Variants in ZMAT4 observed in about 807,000 individuals in gnomAD.
The protein encoded by ZMAT4 is zinc finger matrin-type 4.
Under a neutral mutation model 28.7 loss-of-function variants are expected in ZMAT4, and 17 were observed. The observed-to-expected ratio is 0.59, with a 90% CI of 0.41 to 0.89. The LOEUF (loss-of-function observed/expected upper bound fraction) is 0.89. Ranked by LOEUF, ZMAT4 falls within the 40% of genes least tolerant of loss-of-function variation. The pLI is 0.00. For synonymous variants in ZMAT4, 117 were observed against 109.2 expected (o/e 1.07, Z -0.44); for missense variants, 240 against 283.8 (o/e 0.85, Z 1.11).
intron 3 of ZMAT4, among the ~76,000 whole-genome samples, chr8:40,709,686 C>T (rs1182197890): frequency 6.6e-6 from 1 of 152,168 alleles, no homozygotes; most frequent in Admixed American, 6.5e-5. Context: ...GATGTGCCTA[C>T]TAGAATGTAA....
At chr8:40,771,186 A>G (rs1813375590) in intron 2 of ZMAT4, among the ~76,000 whole-genome samples, 1 of 151,388 alleles carries the variant, frequency 6.6e-6, no homozygotes. Context: ...ACATATATAT[A>G]AAGGTTTTTA....
chr8:40,650,848 C>A (rs932179208), intron 5 of ZMAT4, among the ~76,000 whole-genome samples: 3 of 151,852 alleles, frequency 2.0e-5, no homozygotes, highest in African/African-American at 7.3e-5. Flanking sequence ...TCAATAGATG[C>A]AGAAAAAACC....
At chr8:40,682,608 G>A (rs1357105969) in intron 4 of ZMAT4, among the ~76,000 whole-genome samples, 7 of 152,212 alleles carry the variant, frequency 4.6e-5, no homozygotes, top group South Asian at 2.1e-4. Context: ...TAATATATCC[G>A]ATGTTTCAAA....
intron 3 of ZMAT4, among the ~76,000 whole-genome samples, chr8:40,699,123 C>T (rs968767538): frequency 6.6e-6 from 1 of 152,076 alleles, no homozygotes; most frequent in Non-Finnish European, 1.5e-5. Context: ...TACCTACCTC[C>T]TCAGTCAAGC....
intron 1 of ZMAT4, among the ~76,000 whole-genome samples, chr8:40,839,045 G>A (rs929940848): frequency 6.6e-6 from 1 of 152,156 alleles, no homozygotes; most frequent in Non-Finnish European, 1.5e-5. Flanking sequence ...GCAAAATGGA[G>A]ATCTCTAACT....
chr8:40,670,537 C>G (rs763077961), intron 5 of ZMAT4, among the ~76,000 whole-genome samples: 5 of 152,056 alleles, frequency 3.3e-5, no homozygotes, highest in Admixed American at 6.6e-5. Flanking sequence ...AAGTTAGCCT[C>G]CCAAAATTTA....
chr8:40,802,909 A>G (rs1017224935), intron 2 of ZMAT4, among the ~76,000 whole-genome samples: 2 of 152,214 alleles, frequency 1.3e-5, no homozygotes, highest in African/African-American at 4.8e-5. Flanking sequence ...AAGCCCAGAA[A>G]TAGACCCACA....
At chr8:40,809,976 G>A (rs986904007) in intron 2 of ZMAT4, among the ~76,000 whole-genome samples, 1 of 152,152 alleles carries the variant, frequency 6.6e-6, no homozygotes, top group Non-Finnish European at 1.5e-5. Context: ...CCAGGAGGCA[G>A]AGGTTGCAGT....
At chr8:40,677,734 T>G (rs1032784112) in intron 4 of ZMAT4, among the ~76,000 whole-genome samples, 1 of 152,182 alleles carries the variant, frequency 6.6e-6, no homozygotes, top group African/African-American at 2.4e-5. Context: ...ATAAAATGAA[T>G]GAAGAATGGG....
Position 40,822,250 on chromosome 8 carries a change from G to A in ZMAT4, c.102+3325C>T, listed in dbSNP as rs539333328. Among the ~76,000 whole-genome samples, 6 of 152,286 alleles carry A rather than the reference G, an allele frequency of 3.9e-5. No homozygotes were observed. The South Asian group carries it at 1.2e-3, about 32-fold the overall frequency. Reference sequence around the variant, plus strand: ...AAGTTTATGAGCTTCTCAGGGACAAGGATCATTTCTCATATAGGTTCAGAA... The same window carrying A: ...AAGTTTATGAGCTTCTCAGGGACAAAGATCATTTCTCATATAGGTTCAGAA... On this transcript the variant is annotated intron_variant, in intron 2 of 6. Coordinates refer to ENST00000297737, the MANE Select transcript of ZMAT4 (RefSeq NM_024645.3).
At position 40,669,008 on chromosome 8, in the gene ZMAT4, G is replaced by A. The variant is rs143829832; in HGVS notation, c.577+5696C>T. Among the ~76,000 whole-genome samples the A allele has an allele frequency of 8.1e-4, 124 of 152,182 alleles. 2 individuals carry two copies. In the East Asian group the frequency reaches 0.021, roughly 26 times the overall value. ...TTAATTTAGCCCATAGGTCAGGGGGGTCAGGAACTTTAAGGCTCATTACAC... is the reference window on the plus strand; with the variant it reads ...TTAATTTAGCCCATAGGTCAGGGGGATCAGGAACTTTAAGGCTCATTACAC... On this transcript the variant is annotated intron_variant, in intron 5 of 6. Transcript: ENST00000297737.
intron 4 of ZMAT4, among the ~76,000 whole-genome samples, chr8:40,690,704 T>C (rs1232254349): frequency 1.3e-5 from 2 of 152,146 alleles, no homozygotes; most frequent in Non-Finnish European, 2.9e-5. Context: ...TTCAAGCAGA[T>C]ATAGACTACC....
At chr8:40,688,357 G>T (rs1485018531) in intron 4 of ZMAT4, among the ~76,000 whole-genome samples, 1 of 152,158 alleles carries the variant, frequency 6.6e-6, no homozygotes, top group Non-Finnish European at 1.5e-5. Flanking sequence ...TCGGGAGGCT[G>T]AGGCAGGAGA....
chr8:40,767,811 G>A (rs1813226882), intron 2 of ZMAT4, 81 bp from the exon 3 acceptor site: 2 of 1,131,704 alleles, frequency 1.8e-6, no homozygotes, highest in Non-Finnish European at 2.5e-6. Flanking sequence ...GCCCGCAAAT[G>A]CAAAAAGAAA....
intron 4 of ZMAT4, among the ~76,000 whole-genome samples, chr8:40,693,719 T>C (rs1809755474): frequency 1.3e-5 from 2 of 152,234 alleles, no homozygotes; most frequent in Admixed American, 6.5e-5. Context: ...AATATGTAAA[T>C]GAATGAGTGT....
chr8:40,720,457 G>A (rs1204325259), intron 3 of ZMAT4, among the ~76,000 whole-genome samples: 1 of 151,650 alleles, frequency 6.6e-6, no homozygotes, highest in Admixed American at 6.6e-5. Flanking sequence ...AGGCAGACAG[G>A]AAGTGTGGCA....
intron 4 of ZMAT4, among the ~76,000 whole-genome samples, chr8:40,684,313 C>T (rs534137345): frequency 3.3e-5 from 5 of 152,310 alleles, no homozygotes; most frequent in South Asian, 2.1e-4. Context: ...GAAACCATGA[C>T]GTCCTTTCAT....
In ZMAT4 at chr8:40,834,407, G is replaced by C. The variant is rs116697331; in HGVS notation, c.-4-8727C>G. Among the ~76,000 whole-genome samples, 400 of 152,174 alleles carry C rather than the reference G, an allele frequency of 2.6e-3. 1 individual carries two copies. Among genetic ancestry groups the C allele is most frequent in the African/African-American group, 9.2e-3 (383 of 41,496 alleles). On this transcript the variant is annotated intron_variant, in intron 1 of 6. Coordinates refer to ENST00000297737, the MANE Select transcript of ZMAT4 (RefSeq NM_024645.3). Reference sequence around the variant, plus strand: ...CAGGTGCTGACCAGCCCAGCCCAAGGCTTCAGATTTTCACTGTAAATTCTA... The same window carrying C: ...CAGGTGCTGACCAGCCCAGCCCAAGCCTTCAGATTTTCACTGTAAATTCTA...
intron 5 of ZMAT4, among the ~76,000 whole-genome samples, chr8:40,669,572 A>G (rs2118885104): frequency 6.6e-6 from 1 of 152,112 alleles, no homozygotes; most frequent in South Asian, 2.1e-4. Context: ...CTTCCACTTA[A>G]CATATAGTAA....
Sources: gnomAD v4.1 joint callset for allele counts (sites outside exome capture counted in the v4.1 genomes callset) on GRCh38, gnomAD v4.1.1 for gene constraint, MANE v1.5 for transcripts, NCBI Gene and HGNC (gene_info 2026-07-23, HGNC 2026-07-21) for gene names.